The following MYO5A variants were observed in gnomAD, a reference collection of about 807,000 sequenced individuals.
MYO5A encodes the protein myosin VA.
MYO5A carries 98 observed loss-of-function variants against 249.7 expected under a neutral mutation model. That is an observed-to-expected ratio of 0.39 (90% CI 0.33 to 0.46). MYO5A has a LOEUF of 0.46. Ranked by LOEUF, MYO5A falls within the 20% of genes least tolerant of loss-of-function variation. The pLI is 0.98. For missense variants in MYO5A, 1,696 were observed against 2,308.8 expected (o/e 0.73, Z 5.44); for synonymous variants, 778 against 810.6 (o/e 0.96, Z 0.68).
intron 1 of MYO5A, among the ~76,000 whole-genome samples, chr15:52,460,949 A>G (rs2076236483): frequency 6.6e-6 from 1 of 152,136 alleles, no homozygotes; most frequent in South Asian, 2.1e-4. Context: ...AGTGAAAACA[A>G]TATGTATTTT....
intron 24 of MYO5A, among the ~76,000 whole-genome samples, chr15:52,363,724 G>C (rs888188010): frequency 6.6e-6 from 1 of 152,234 alleles, no homozygotes; most frequent in South Asian, 2.1e-4. Flanking sequence ...AGGGATGCTT[G>C]GGAACTCTTT....
At chr15:52,415,434 T>G (rs1353688191) in intron 5 of MYO5A, among the ~76,000 whole-genome samples, 1 of 152,222 alleles carries the variant, frequency 6.6e-6, no homozygotes, top group Non-Finnish European at 1.5e-5. Flanking sequence ...CCATTTTCAT[T>G]GGCACAGGCA....
At chr15:52,341,547 A>T (rs919678374) in intron 31 of MYO5A, among the ~76,000 whole-genome samples, 1 of 152,238 alleles carries the variant, frequency 6.6e-6, no homozygotes. Context: ...AGTTATGGTT[A>T]AGAACTAACT....
chr15:52,324,424 T>A (rs557457083), intron 36 of MYO5A, among the ~76,000 whole-genome samples: 1 of 152,310 alleles, frequency 6.6e-6, no homozygotes, highest in South Asian at 2.1e-4. Flanking sequence ...AACTAAACCA[T>A]TTGGATGAAC....
chr15:52,382,204 C>T (rs986063357), intron 16 of MYO5A, among the ~76,000 whole-genome samples: 6 of 152,156 alleles, frequency 3.9e-5, no homozygotes, highest in African/African-American at 7.2e-5. Flanking sequence ...ACCCGGCTGA[C>T]GGATGCTTTT....
At chr15:52,486,767 G>A (rs2076829007) in intron 1 of MYO5A, among the ~76,000 whole-genome samples, 1 of 152,144 alleles carries the variant, frequency 6.6e-6, no homozygotes. Context: ...AAAGAGGAGT[G>A]CGGCCAATTC....
intron 4 of MYO5A, among the ~76,000 whole-genome samples, chr15:52,419,639 C>G (rs958610193): frequency 6.6e-6 from 1 of 152,134 alleles, no homozygotes; most frequent in African/African-American, 2.4e-5. Context: ...GAGAGGCAGA[C>G]AGACTTCTCA....
chr15:52,455,918 G>A (rs1282419268), intron 1 of MYO5A, among the ~76,000 whole-genome samples: 2 of 152,014 alleles, frequency 1.3e-5, no homozygotes, highest in South Asian at 2.1e-4. Context: ...ACAAAAGGAT[G>A]TCTACTTTTA....
At chr15:52,455,969 T>A (rs770843494) in intron 1 of MYO5A, among the ~76,000 whole-genome samples, 10 of 151,960 alleles carry the variant, frequency 6.6e-5, no homozygotes, top group Non-Finnish European at 1.2e-4. Context: ...ACCAGAGCAA[T>A]CAGATAAGAG....
rs529019439 is a variant in MYO5A at position 52,371,345 on chromosome 15, A to G, written c.2817+779T>C. ...ACTATCTTTAATCAAACAAACTTTT[A>G]TCTCTGCAACAGATTGCAAGTTCAT... On this transcript the variant is annotated intron_variant, in intron 21 of 41. Transcript: ENST00000399233. 3.2e-4 allele frequency among the ~76,000 whole-genome samples: 49 copies of G among 152,322 alleles called. 1 individual carries two copies. The highest frequency in any genetic ancestry group is 2.8e-3 in the Admixed American group (43 of 15,304).
chr15:52,425,347 G>GATTTGTTT, intron 4 of MYO5A, among the ~76,000 whole-genome samples: 1 of 151,366 alleles, frequency 6.6e-6, no homozygotes, highest in South Asian at 2.1e-4. Context: ...AAATGTGAGG[G>GATTTGTTT]GTTTGTTTGT....
At chr15:52,490,655 G>A (rs1263728131) in intron 1 of MYO5A, among the ~76,000 whole-genome samples, 3 of 152,204 alleles carry the variant, frequency 2.0e-5, no homozygotes, top group Non-Finnish European at 4.4e-5. Flanking sequence ...ATTGTTTAAT[G>A]GGTACAGGGA....
intron 1 of MYO5A, among the ~76,000 whole-genome samples, chr15:52,498,449 T>C (rs2077086366): frequency 6.6e-6 from 1 of 152,230 alleles, no homozygotes; most frequent in African/African-American, 2.4e-5. Context: ...CACTAGCAGT[T>C]TGTGATAGTG....
rs182170208 is a variant in MYO5A at position 52,378,395 on chromosome 15, C to T, written c.2208+1230G>A. On this transcript the variant is annotated intron_variant, in intron 18 of 41. Transcript: ENST00000399233. The stretch of plus-strand genomic sequence containing the variant: ...AATTAGCTGGGTGTGGTGGTGTGCA[C>T]CTATAATCCCAGCTACTGGGGGGGC... Among the ~76,000 whole-genome samples, 27 of 151,382 alleles carry T rather than the reference C, an allele frequency of 1.8e-4. No homozygotes were observed. In the East Asian group the frequency reaches 3.1e-3, roughly 17 times the overall value.
chr15:52,494,713 G>T (rs527926526), intron 1 of MYO5A, among the ~76,000 whole-genome samples: 5 of 152,020 alleles, frequency 3.3e-5, no homozygotes, highest in Non-Finnish European at 7.4e-5. Flanking sequence ...GCCTAGTCTC[G>T]AACTCCTGAC....
intron 4 of MYO5A, among the ~76,000 whole-genome samples, chr15:52,421,780 A>G (rs921879439): frequency 2.0e-5 from 3 of 152,230 alleles, no homozygotes; most frequent in African/African-American, 7.2e-5. Flanking sequence ...CATCAGTGAC[A>G]CTGTTCCGTT....
intron 22 of MYO5A, among the ~76,000 whole-genome samples, chr15:52,367,344 C>T (rs781187651): frequency 8.5e-5 from 13 of 152,316 alleles, no homozygotes; most frequent in Non-Finnish European, 1.5e-4. Context: ...CCCTGTGCTA[C>T]TACAAGACCC....
At chr15:52,447,768 A>C (rs747799999) in intron 1 of MYO5A, among the ~76,000 whole-genome samples, 1 of 152,252 alleles carries the variant, frequency 6.6e-6, no homozygotes, top group Admixed American at 6.5e-5. Flanking sequence ...ATGCTTTAGG[A>C]AAGAGACTGA....
At chr15:52,474,150 C>T (rs2076538773) in intron 1 of MYO5A, among the ~76,000 whole-genome samples, 1 of 152,162 alleles carries the variant, frequency 6.6e-6, no homozygotes, top group Admixed American at 6.5e-5. Context: ...CTCTTTGAAG[C>T]AATTGTGAAT....
Sources: allele counts gnomAD v4.1 joint callset (sites outside exome capture counted in the v4.1 genomes callset), GRCh38; gene constraint gnomAD v4.1.1; transcripts MANE v1.5; gene names NCBI Gene and HGNC (gene_info 2026-07-23, HGNC 2026-07-21).